The following HCN2 variants were observed in gnomAD, a reference collection of about 807,000 sequenced individuals.
The protein encoded by HCN2 is hyperpolarization activated cyclic nucleotide gated potassium and sodium channel 2, also known as potassium/sodium hyperpolarization-activated cyclic nucleotide-gated channel 2.
In HCN2, 20 loss-of-function variants were observed where a neutral mutation model predicts 52.3. That is an observed-to-expected ratio of 0.38 (90% CI 0.27 to 0.56). The LOEUF (loss-of-function observed/expected upper bound fraction) is 0.56. Among genes scored for constraint, HCN2 ranks in the 20% least tolerant of loss-of-function variants. The probability of loss-of-function intolerance (pLI) is 0.71; values close to 1 mark genes in which losing one functional copy is unlikely to be tolerated. For synonymous variants in HCN2, 694 were observed against 537.0 expected, an observed-to-expected ratio of 1.29 and a Z score of -4.04; for missense variants, 981 against 1,207.7, an observed-to-expected ratio of 0.81 and a Z score of 2.78.
At chr19:601,699 GTT>G (rs1983208327) in intron 1 of HCN2, among the ~76,000 whole-genome samples, 2 of 152,258 alleles carry the variant, frequency 1.3e-5, no homozygotes, top group South Asian at 4.1e-4. Flanking sequence ...AGCCACCCGT[GTT>G]TGCTCCGAGT....
At chr19:610,569 GCC>G (rs1403297821) in intron 5 of HCN2, among the ~76,000 whole-genome samples, 164 bp downstream of exon 5, 1 of 152,082 alleles carries the variant, frequency 6.6e-6, no homozygotes, top group Non-Finnish European at 1.5e-5. Flanking sequence ...CGCCCCGTGA[GCC>G]TCTGCACCCC....
Position 616,273 on chromosome 19 carries a change from G to C in HCN2, c.2469G>C (p.Ser823=). The C allele has an allele frequency of 1.9e-6, 2 of 1,048,568 alleles. No homozygotes were observed. The highest frequency in any genetic ancestry group is 2.3e-6 in the Non-Finnish European group (2 of 873,770). The allele number at this position is 1,048,568 out of a possible 1,614,324, so 65.0% of individuals were successfully genotyped here. A position where few individuals can be genotyped will look rare whatever the true frequency, so the allele number is the denominator to read the frequency against. Residue 823 remains serine (S), a synonymous_variant, in exon 8 of 8, where the codon TCG becomes TCC. Coordinates refer to ENST00000251287, the MANE Select transcript of HCN2 (RefSeq NM_001194.4). ...GCGCGTCGCGCCCACTGTCCGCCTCGCAGCCCTCGCTGCCTCACGGCGCCC... is the reference window on the plus strand; with the variant it reads ...GCGCGTCGCGCCCACTGTCCGCCTCCCAGCCCTCGCTGCCTCACGGCGCCC... ...LSRASRPLSA[S]QPSLPHGAPG... is the part of the protein sequence containing the mutation.
chr19:615,709 G>A (rs1983871777), intron 7 of HCN2, 86 bp from the exon 8 acceptor site: 6 of 1,337,376 alleles, frequency 4.5e-6, no homozygotes, highest in South Asian at 1.2e-5. Context: ...CACTGTGTGC[G>A]CACCCGCGGT....
intron 5 of HCN2, among the ~76,000 whole-genome samples, chr19:610,646 C>CTG (rs1823433741): frequency 6.6e-6 from 1 of 152,212 alleles, no homozygotes; most frequent in Non-Finnish European, 1.5e-5. Context: ...TGGGTCTGTG[C>CTG]CTGACAGGGC....
intron 1 of HCN2, among the ~76,000 whole-genome samples, chr19:600,783 C>G (rs1983178410): frequency 6.6e-6 from 1 of 152,178 alleles, no homozygotes; most frequent in Non-Finnish European, 1.5e-5. Flanking sequence ...ACCCAGCAGG[C>G]TTTTTTCTTT....
chr19:611,880 T>C (rs1174057193), intron 5 of HCN2, among the ~76,000 whole-genome samples: 1 of 152,126 alleles, frequency 6.6e-6, no homozygotes, highest in Non-Finnish European at 1.5e-5. Flanking sequence ...GCGTGGTGGC[T>C]CACGCCTGTA....
At position 591,753 on chromosome 19, in the gene HCN2, G is replaced by C. The variant is rs1982880343; in HGVS notation, c.632+1176G>C. 6.6e-6 allele frequency among the ~76,000 whole-genome samples: 1 copy of C among 152,112 alleles called. No homozygotes were observed. The highest frequency in any genetic ancestry group is 1.5e-5 in the Non-Finnish European group (1 of 67,992). ...TCCTCCTCCAGGCCTGGGCGCCCCAGGACAGCCCCCACGGACCCTGGACCC... is the reference window on the plus strand; with the variant it reads ...TCCTCCTCCAGGCCTGGGCGCCCCACGACAGCCCCCACGGACCCTGGACCC... On this transcript the variant is annotated intron_variant, in intron 1 of 7. Transcript: ENST00000251287. This position sits in a 1 kb window ranked among gnomAD's most constrained non-coding sequence, Gnocchi z 4.1.
chr19:592,085 C>T lies in HCN2; in HGVS notation c.632+1508C>T, dbSNP rs564247622. ...GCTTGGTCAGCATCTGGGCTCTGGC[C>T]TGCGAAATGTGGACAGTGAGCGGGA... On this transcript the variant is annotated intron_variant, in intron 1 of 7. Coordinates refer to ENST00000251287, the MANE Select transcript of HCN2 (RefSeq NM_001194.4). The surrounding 1 kb of genome is among the most constrained non-coding windows in gnomAD (Gnocchi z 4.8). 6.6e-6 allele frequency among the ~76,000 whole-genome samples: 1 copy of T among 152,330 alleles called. No individual in the cohort carries two copies. The highest frequency in any genetic ancestry group is 2.4e-5 in the African/African-American group (1 of 41,578).
chr19:608,732 G>GGC (rs1983509194), intron 4 of HCN2, among the ~76,000 whole-genome samples: 1 of 152,136 alleles, frequency 6.6e-6, no homozygotes, highest in Admixed American at 6.5e-5. Context: ...TCTCTAGGCC[G>GGC]GCTCAGGATG....
chr19:616,981 T>C lies in HCN2; in HGVS notation c.*507T>C. 2.1e-6 allele frequency: 1 copy of C among 477,438 alleles called. No homozygotes were observed. The highest frequency in any genetic ancestry group is 3.9e-6 in the Non-Finnish European group (1 of 259,686). 29.6% of individuals were successfully genotyped at this position (477,438 alleles called of 1,614,324 possible). ...CTCGGGGAGCAGCACCCCGCCTCCC[T>C]CCAGCACTGGCACCGAGAGGCAGGC... On this transcript the variant is annotated 3_prime_UTR_variant, in exon 8 of 8. Coordinates refer to ENST00000251287, the MANE Select transcript of HCN2 (RefSeq NM_001194.4).
At chr19:602,523 A>G (rs917771914) in intron 1 of HCN2, among the ~76,000 whole-genome samples, 3 of 152,066 alleles carry the variant, frequency 2.0e-5, no homozygotes, top group Non-Finnish European at 2.9e-5. Flanking sequence ...CTTCTCAGTA[A>G]GGCATCTGGG....
At chr19:609,535 A>G (rs1396807468) in intron 4 of HCN2, among the ~76,000 whole-genome samples, 1 of 152,194 alleles carries the variant, frequency 6.6e-6, no homozygotes, top group Non-Finnish European at 1.5e-5. Context: ...GGAGGCCGAG[A>G]CAGGCCGATC....
At chr19:602,119 C>A in intron 1 of HCN2, among the ~76,000 whole-genome samples, 1 of 129,072 alleles carries the variant, frequency 7.7e-6, no homozygotes, top group East Asian at 2.9e-4. Flanking sequence ...CCTGCGTGGA[C>A]GCCCCACTCC....
At chr19:601,827 C>T (rs551309381) in intron 1 of HCN2, among the ~76,000 whole-genome samples, 6 of 151,002 alleles carry the variant, frequency 4.0e-5, no homozygotes, top group African/African-American at 7.3e-5. Context: ...GTGTCTGGCC[C>T]GCCATACGCA....
chr19:607,162 A>G (rs1983453233), intron 3 of HCN2, among the ~76,000 whole-genome samples: 1 of 152,240 alleles, frequency 6.6e-6, no homozygotes, highest in South Asian at 2.1e-4. Context: ...CAAGAGCGAA[A>G]CTCCGTCAAA....
chr19:611,641 ACACT>A (rs1213055155), intron 5 of HCN2, among the ~76,000 whole-genome samples: 4 of 152,304 alleles, frequency 2.6e-5, no homozygotes, highest in East Asian at 1.9e-4. Context: ...TAGAGATATA[ACACT>A]CAGACCACAA....
Position 590,332 on chromosome 19 carries a change from G to T in HCN2, c.387G>T (p.Gly129=), listed in dbSNP as rs1214196100. The T allele has an allele frequency of 1.4e-5, 15 of 1,038,332 alleles. No homozygotes were observed. Among genetic ancestry groups the T allele is most frequent in the Non-Finnish European group, 1.6e-5 (14 of 867,002 alleles). 64.3% of individuals were successfully genotyped at this position (1,038,332 alleles called of 1,614,324 possible). ...CCAAGGTGTCGTTCTCGTGCCGCGG[G>T]GCGGCCTCGGGGCCCGCGCCGGGGC... is the stretch of plus-strand genomic sequence containing the variant. ...RGPKVSFSCR[G]AASGPAPGPG... Residue 129 remains glycine (G), a synonymous_variant, in exon 1 of 8, where the codon GGG becomes GGT. Coordinates refer to ENST00000251287, the MANE Select transcript of HCN2 (RefSeq NM_001194.4). The surrounding 1 kb of genome is among the most constrained non-coding windows in gnomAD (Gnocchi z 7.2).
Position 610,289 on chromosome 19 carries a change from C to T in HCN2, c.1468C>T (p.His490Tyr). The T allele has an allele frequency of 1.2e-6, 2 of 1,613,622 alleles. No individual in the cohort carries two copies. The highest frequency in any genetic ancestry group is 8.5e-7 in the Non-Finnish European group (1 of 1,179,806). Residue 490 changes from histidine (H) to tyrosine (Y), a missense_variant, in exon 5 of 8, where the codon CAC becomes TAC. By Grantham distance (83) the His-to-Tyr change is moderately conservative. Coordinates refer to ENST00000251287, the MANE Select transcript of HCN2 (RefSeq NM_001194.4). ...YKQVEQYMSF[H>Y]KLPADFRQKI... Reference sequence around the variant, plus strand: ...GCAGGTGGAGCAGTACATGTCCTTCCACAAGCTGCCAGCTGACTTCCGCCA... The same window carrying T: ...GCAGGTGGAGCAGTACATGTCCTTCTACAAGCTGCCAGCTGACTTCCGCCA...
In HCN2 at chr19:608,195, C is replaced by T. The variant is rs766703736; in HGVS notation, c.1437+13C>T. The T allele has an allele frequency of 1.8e-5, 29 of 1,609,338 alleles. No homozygotes were observed. The Middle Eastern group carries it at 5.7e-4, about 32-fold the overall frequency. On this transcript the variant is annotated intron_variant, in intron 4 of 7. Coordinates refer to ENST00000251287, the MANE Select transcript of HCN2 (RefSeq NM_001194.4). ...GTACCAGGAGAAGGTCTGAGGGAGG[C>T]GGGCCCCGGCCTGGGTTCTGATGGG...
Sources: gnomAD v4.1 joint callset for allele counts (sites outside exome capture counted in the v4.1 genomes callset) on GRCh38, gnomAD v4.1.1 for gene constraint, Gnocchi (gnomAD v3.1) non-coding constraint, MANE v1.5 for transcripts, NCBI Gene and HGNC (gene_info 2026-07-23, HGNC 2026-07-21) for gene names.